The following RAPGEF1 variants were observed in gnomAD, a reference collection of about 807,000 sequenced individuals.
RAPGEF1 encodes the protein CRK SH3-binding GNRP.
RAPGEF1 carries 33 observed loss-of-function variants against 143.3 expected under a neutral mutation model. The observed-to-expected ratio is 0.23, with a 90% CI of 0.17 to 0.31. RAPGEF1 has a LOEUF of 0.31. RAPGEF1 is among the 10% of genes least tolerant of loss of function. RAPGEF1 has a pLI of 1.00. For synonymous variants in RAPGEF1, 629 were observed against 676.5 expected (o/e 0.93, Z 1.09); for missense variants, 1,199 against 1,645.4 (o/e 0.73, Z 4.69).
intron 12 of RAPGEF1, among the ~76,000 whole-genome samples, chr9:131,609,389 C>T (rs752711304): frequency 5.9e-5 from 9 of 152,148 alleles, no homozygotes; most frequent in South Asian, 2.1e-4. Context: ...ACAATCAGTT[C>T]GTGTTTTCTG....
At position 131,604,979 on chromosome 9, in the gene RAPGEF1, A is replaced by G; in HGVS notation, c.2271T>C (p.Phe757=). The change falls in exon 13 of 27, where the codon TTT becomes TTC. Residue 757 remains phenylalanine, a synonymous_variant. Coordinates refer to ENST00000683357, the MANE Select transcript of RAPGEF1 (RefSeq NM_001377935.1). ...AAGGAAGGCAGACAGTATTCCCATG[A>G]AAGCTGCTCTCCTGAGAAGCCGAGA... The part of the protein sequence containing the change: ...GPLSASQESS[F]HGNTVCLPSE... 2 of 1,331,826 alleles carry G rather than the reference A, an allele frequency of 1.5e-6. No homozygotes were observed. The highest frequency in any genetic ancestry group is 2.0e-6 in the Non-Finnish European group (2 of 1,004,614). The allele number at this position is 1,331,826 out of a possible 1,614,324, so 82.5% of individuals were successfully genotyped here.
intron 1 of RAPGEF1, among the ~76,000 whole-genome samples, chr9:131,711,279 T>C (rs1219942261): frequency 6.6e-6 from 1 of 151,956 alleles, no homozygotes; most frequent in Admixed American, 6.6e-5. Flanking sequence ...CTCAAACTCC[T>C]GGTCTCAAGT....
At chr9:131,690,922 A>G (rs1020434323) in intron 1 of RAPGEF1, among the ~76,000 whole-genome samples, 2 of 152,230 alleles carry the variant, frequency 1.3e-5, no homozygotes, top group African/African-American at 4.8e-5. Context: ...GCTTGTCTCA[A>G]TGCTTTCTTG....
Position 131,582,718 on chromosome 9 carries a change from A to AGGACAGGACC in RAPGEF1, c.3415-26_3415-17dup, listed in dbSNP as rs756780541. The AGGACAGGACC allele has an allele frequency of 9.6e-6, 15 of 1,558,234 alleles. No individual in the cohort carries two copies. In the South Asian group the frequency reaches 1.8e-4, roughly 19 times the overall value. ...CGGCCAGGCCCTGGCAGGACAGGAC[A>AGGACAGGACC]GGACAGGACCGGACAGGGGTGAGCG... On this transcript the variant is annotated splice_polypyrimidine_tract_variant and intron_variant, in intron 24 of 26. Coordinates refer to ENST00000683357, the MANE Select transcript of RAPGEF1 (RefSeq NM_001377935.1).
At chr9:131,633,535 A>G (rs962923112) in intron 5 of RAPGEF1, among the ~76,000 whole-genome samples, 1 of 152,258 alleles carries the variant, frequency 6.6e-6, no homozygotes, top group Non-Finnish European at 1.5e-5. Flanking sequence ...ATGAGCAATT[A>G]TAATTAGATC....
intron 1 of RAPGEF1, among the ~76,000 whole-genome samples, chr9:131,738,725 A>G (rs1448040432): frequency 7.9e-5 from 12 of 152,208 alleles, no homozygotes; most frequent in Non-Finnish European, 1.5e-5. Flanking sequence ...CCCTCAATAA[A>G]GCCTACAAAA....
At chr9:131,610,041 C>A (rs544602707) in intron 12 of RAPGEF1, among the ~76,000 whole-genome samples, 1 of 152,284 alleles carries the variant, frequency 6.6e-6, no homozygotes, top group East Asian at 1.9e-4. Flanking sequence ...GGAATATAGG[C>A]ATGTGTCGCC....
chr9:131,585,363 G>A (rs777801166), intron 22 of RAPGEF1, among the ~76,000 whole-genome samples: 1 of 54,704 alleles, frequency 1.8e-5, no homozygotes, highest in East Asian at 3.0e-4. Context: ...ATTTTTTGTA[G>A]GGGGGGGGCG....
chr9:131,698,005 G>C (rs777860725), intron 1 of RAPGEF1, among the ~76,000 whole-genome samples: 8 of 152,192 alleles, frequency 5.3e-5, no homozygotes, highest in Non-Finnish European at 1.2e-4. Flanking sequence ...GGACAGGAGA[G>C]TCAGCTGACC....
chr9:131,624,836 T>C (rs1196564291), intron 10 of RAPGEF1, among the ~76,000 whole-genome samples: 3 of 152,254 alleles, frequency 2.0e-5, no homozygotes, highest in Non-Finnish European at 2.9e-5. Context: ...CAGAGCCAGC[T>C]CTCCCTCTAG....
rs138452933 is a variant in RAPGEF1, at chr9:131,616,626, T to C, written c.2061+2425A>G. Among the ~76,000 whole-genome samples the C allele has an allele frequency of 1.6e-4, 25 of 152,326 alleles. No homozygotes were observed. The East Asian group carries it at 4.6e-3, about 28-fold the overall frequency. ...TAGAATCTTTTAGTGGAAATAATCG[T>C]CCACTGTGCCAAGAACCACGTGAGG... On this transcript the variant is annotated intron_variant, in intron 12 of 26. Transcript: ENST00000683357.
At chr9:131,738,959 C>A (rs916156561) in intron 1 of RAPGEF1, among the ~76,000 whole-genome samples, 2 of 152,194 alleles carry the variant, frequency 1.3e-5, no homozygotes, top group Non-Finnish European at 2.9e-5. Context: ...GGCATGCTCC[C>A]AGTACAGGAG....
chr9:131,698,652 C>T (rs1834375645), intron 1 of RAPGEF1, among the ~76,000 whole-genome samples: 1 of 152,228 alleles, frequency 6.6e-6, no homozygotes, highest in Non-Finnish European at 1.5e-5. Flanking sequence ...TGGCCTGTGG[C>T]CTGCTTTAGC....
At chr9:131,643,145 T>C in intron 4 of RAPGEF1, 94 bp downstream of exon 4, 1 of 1,399,336 alleles carries the variant, frequency 7.1e-7, no homozygotes, top group Non-Finnish European at 9.5e-7. Context: ...TTCCTGACTG[T>C]TCCTAGGAAC....
intron 17 of RAPGEF1, 48 bp from the exon 18 acceptor site, chr9:131,592,231 G>A (rs750806458): frequency 5.5e-6 from 8 of 1,454,918 alleles, no homozygotes; most frequent in Admixed American, 1.7e-5. Context: ...GCAGAGTGCT[G>A]GGGGGTGGTA....
chr9:131,679,999 C>T (rs1832770873), intron 1 of RAPGEF1, among the ~76,000 whole-genome samples: 2 of 152,228 alleles, frequency 1.3e-5, no homozygotes, highest in Non-Finnish European at 2.9e-5. Context: ...TAGGGGTCAC[C>T]TTAAAGTCTG....
chr9:131,671,218 C>T (rs1403714441), intron 1 of RAPGEF1, among the ~76,000 whole-genome samples: 5 of 152,188 alleles, frequency 3.3e-5, no homozygotes, highest in Non-Finnish European at 7.3e-5. Context: ...CAGCTGTATC[C>T]TCTAAGTCTC....
chr9:131,683,605 A>G (rs1833094013), intron 1 of RAPGEF1, among the ~76,000 whole-genome samples: 2 of 152,240 alleles, frequency 1.3e-5, no homozygotes, highest in African/African-American at 4.8e-5. Context: ...TTGCATTTAC[A>G]ATTCCTGCAG....
chr9:131,625,095 T>A (rs751547970), intron 10 of RAPGEF1, among the ~76,000 whole-genome samples: 1 of 152,248 alleles, frequency 6.6e-6, no homozygotes, highest in East Asian at 1.9e-4. Context: ...ATAGAAGTTC[T>A]CTGCTGGATG....
Sources: allele counts gnomAD v4.1 joint callset (sites outside exome capture counted in the v4.1 genomes callset), GRCh38; gene constraint gnomAD v4.1.1; transcripts MANE v1.5; gene names NCBI Gene and HGNC (gene_info 2026-07-23, HGNC 2026-07-21).